SLC15A5: variants seen among roughly 807,000 people sequenced by gnomAD.
SLC15A5 encodes solute carrier family 15 member 5, also known as Peptide/histidine transporter ENSP00000340402.
A neutral mutation model predicts 56.1 loss-of-function variants in SLC15A5; 58 were observed. That is an observed-to-expected ratio of 1.03 (90% CI 0.84 to 1.29). The LOEUF (loss-of-function observed/expected upper bound fraction) is 1.29. Among genes scored for constraint, SLC15A5 ranks in the 50% most tolerant of loss-of-function variants. SLC15A5 has a pLI of 0.00. For synonymous variants in SLC15A5, 264 were observed against 250.5 expected (o/e 1.05, Z -0.51); for missense variants, 681 against 672.1 (o/e 1.01, Z -0.15).
At chr12:16,263,396 G>A (rs1591660254) in intron 2 of SLC15A5, among the ~76,000 whole-genome samples, 1 of 152,140 alleles carries the variant, frequency 6.6e-6, no homozygotes, top group South Asian at 2.1e-4. Flanking sequence ...AAGCATTCAA[G>A]CGGTGACTTG....
chr12:16,193,003 A>T (rs939485219), intron 8 of SLC15A5, among the ~76,000 whole-genome samples: 3 of 152,100 alleles, frequency 2.0e-5, no homozygotes, highest in African/African-American at 7.2e-5. Flanking sequence ...TTATTTTATG[A>T]AAGACAAGGA....
intron 7 of SLC15A5, among the ~76,000 whole-genome samples, chr12:16,208,116 A>G (rs1431995927): frequency 6.6e-6 from 1 of 152,136 alleles, no homozygotes; most frequent in African/African-American, 2.4e-5. Flanking sequence ...TGCCACAGGA[A>G]GGCTCCAGGA....
intron 7 of SLC15A5, among the ~76,000 whole-genome samples, chr12:16,213,675 A>C (rs1864104273): frequency 6.6e-6 from 1 of 152,226 alleles, no homozygotes; most frequent in Admixed American, 6.5e-5. Flanking sequence ...ATAACACAAT[A>C]TTATTATAAA....
intron 7 of SLC15A5, among the ~76,000 whole-genome samples, chr12:16,200,740 A>C (rs551614702): frequency 2.6e-5 from 4 of 152,288 alleles, no homozygotes; most frequent in African/African-American, 9.6e-5. Flanking sequence ...AGAGATACAG[A>C]TATAAACTCT....
chr12:16,230,626 A>T (rs1351723193), intron 5 of SLC15A5, among the ~76,000 whole-genome samples: 1 of 152,140 alleles, frequency 6.6e-6, no homozygotes, highest in Non-Finnish European at 1.5e-5. Context: ...TTCTTAAAAA[A>T]GACAAGGCCG....
chr12:16,259,817 T>A (rs1864622589), intron 2 of SLC15A5, among the ~76,000 whole-genome samples: 1 of 151,786 alleles, frequency 6.6e-6, no homozygotes, highest in African/African-American at 2.4e-5. Flanking sequence ...TATTGCTAAT[T>A]AATTGGAGAC....
chr12:16,233,818 G>C (rs1271134950), intron 5 of SLC15A5, among the ~76,000 whole-genome samples: 1 of 152,156 alleles, frequency 6.6e-6, no homozygotes, highest in Non-Finnish European at 1.5e-5. Flanking sequence ...TACTGACTCA[G>C]AATCTGCATT....
chr12:16,195,825 G>A (rs142664045), intron 7 of SLC15A5, among the ~76,000 whole-genome samples: 183 of 152,126 alleles, frequency 1.2e-3, no homozygotes, highest in African/African-American at 4.1e-3. Flanking sequence ...GTGATTAATT[G>A]TGCCACTTCC....
In SLC15A5 at chr12:16,277,519, G is replaced by T; in HGVS notation, c.167C>A (p.Thr56Lys). Reference sequence around the variant, plus strand: ...CATGTTGCAGACGACTTCAAAGAACGTGAACCTCTCACACAGCTCCACCAG... The same window carrying T: ...CATGTTGCAGACGACTTCAAAGAACTTGAACCTCTCACACAGCTCCACCAG... ...LLLVELCERF[T>K]FFEVVCNMIP... is the part of the protein sequence containing the mutation. The change falls in exon 1 of 9, where the codon ACG becomes AAG. Residue 56 changes from threonine to lysine, a missense_variant. Physicochemically the swap from Thr to Lys is moderately conservative, Grantham distance 78 (BLOSUM62 -1). Coordinates refer to ENST00000344941, the MANE Select transcript of SLC15A5 (RefSeq NM_001170798.1). 1 of 1,536,330 alleles carries T rather than the reference G, an allele frequency of 6.5e-7. No individual in the cohort carries two copies. Among genetic ancestry groups the T allele is most frequent in the Admixed American group, 2.0e-5 (1 of 50,946 alleles).
chr12:16,215,444 T>C (rs985625149), intron 7 of SLC15A5, among the ~76,000 whole-genome samples: 3 of 152,144 alleles, frequency 2.0e-5, no homozygotes, highest in Non-Finnish European at 4.4e-5. Context: ...CACTGAGTAA[T>C]GTAAAGAAAG....
In SLC15A5 at chr12:16,196,412, G is replaced by T. The variant is rs141451564; in HGVS notation, c.1484-1959C>A. On this transcript the variant is annotated intron_variant, in intron 7 of 8. Coordinates refer to ENST00000344941, the MANE Select transcript of SLC15A5 (RefSeq NM_001170798.1). This position sits in a 1 kb window ranked among gnomAD's most constrained non-coding sequence, Gnocchi z 4.0. ...TGTGCATGTGTGTGTGTGTGCCCGT[G>T]CATGTGTGCACACAGGAACTAAACA... Among the ~76,000 whole-genome samples the T allele has an allele frequency of 6.6e-6, 1 of 152,026 alleles. No individual in the cohort carries two copies. Among genetic ancestry groups the T allele is most frequent in the African/African-American group, 2.4e-5 (1 of 41,492 alleles).
chr12:16,264,186 G>A (rs1864670576), intron 2 of SLC15A5, among the ~76,000 whole-genome samples: 1 of 152,228 alleles, frequency 6.6e-6, no homozygotes, highest in Non-Finnish European at 1.5e-5. Flanking sequence ...CAGGGGCAGA[G>A]TTGCTGAAGG....
At chr12:16,256,851 T>C (rs1864578875) in intron 3 of SLC15A5, among the ~76,000 whole-genome samples, 1 of 107,994 alleles carries the variant, frequency 9.3e-6, no homozygotes, top group African/African-American at 4.5e-5. Flanking sequence ...AGAGAGAGGC[T>C]CCGTCTCAAA....
rs936546243 is a variant in SLC15A5, at chr12:16,189,185, A to G, written c.*483T>C. 1 of 152,206 alleles carries G rather than the reference A, an allele frequency of 6.6e-6. No homozygotes were observed. Among genetic ancestry groups the G allele is most frequent in the African/African-American group, 2.4e-5 (1 of 41,456 alleles). 9.4% of individuals were successfully genotyped at this position (152,206 alleles called of 1,614,324 possible). A position where few individuals can be genotyped will look rare whatever the true frequency, so the allele number is the denominator to read the frequency against. On this transcript the variant is annotated 3_prime_UTR_variant, in exon 9 of 9. Coordinates refer to ENST00000344941, the MANE Select transcript of SLC15A5 (RefSeq NM_001170798.1). ...AGCATAATATTAACAGCAAATATAG[A>G]AAATCATGTATATGTTTATTATTTA... is the stretch of plus-strand genomic sequence containing the variant.
chr12:16,262,403 A>G (rs980312560), intron 2 of SLC15A5, among the ~76,000 whole-genome samples: 4 of 152,242 alleles, frequency 2.6e-5, no homozygotes, highest in African/African-American at 7.2e-5. Flanking sequence ...GTCCAAAGAC[A>G]TGAGTTAGAG....
At chr12:16,198,876 G>A (rs1671520) in intron 7 of SLC15A5, among the ~76,000 whole-genome samples, 151,653 of 152,238 alleles carry the variant, frequency 1, 75,539 homozygotes, top group Middle Eastern at 1. Context: ...AATGCCCTAC[G>A]TTGTAAGGCT....
At chr12:16,265,290 G>A (rs2136816908) in intron 2 of SLC15A5, among the ~76,000 whole-genome samples, 1 of 152,268 alleles carries the variant, frequency 6.6e-6, no homozygotes, top group African/African-American at 2.4e-5. Flanking sequence ...GGATAGATAT[G>A]TGATATGTGT....
intron 7 of SLC15A5, among the ~76,000 whole-genome samples, chr12:16,204,705 A>G (rs1863997172): frequency 6.6e-6 from 1 of 152,088 alleles, no homozygotes. Flanking sequence ...TGTAAAACTG[A>G]TTAGTTTCAT....
intron 3 of SLC15A5, among the ~76,000 whole-genome samples, chr12:16,252,066 G>A (rs1565670970): frequency 1.3e-5 from 2 of 151,982 alleles, no homozygotes; most frequent in Non-Finnish European, 2.9e-5. Flanking sequence ...AAAACCACAT[G>A]ATCATCTCAA....
Sources: gnomAD v4.1 joint callset for allele counts (sites outside exome capture counted in the v4.1 genomes callset) on GRCh38, gnomAD v4.1.1 for gene constraint, Gnocchi (gnomAD v3.1) non-coding constraint, MANE v1.5 for transcripts, NCBI Gene and HGNC (gene_info 2026-07-23, HGNC 2026-07-21) for gene names.